AK5: variants seen among roughly 807,000 people sequenced by gnomAD.
AK5 encodes the protein adenylate kinase isoenzyme 5.
A neutral mutation model predicts 69.5 loss-of-function variants in AK5; 27 were observed. That is an observed-to-expected ratio of 0.39 (90% CI 0.29 to 0.54). The LOEUF (loss-of-function observed/expected upper bound fraction) is 0.54. Ranked by LOEUF, AK5 falls within the 20% of genes least tolerant of loss-of-function variation. The pLI is 0.71. For missense variants in AK5, 531 were observed against 700.4 expected (o/e 0.76, Z 2.73); for synonymous variants, 260 against 244.4 (o/e 1.06, Z -0.60).
chr1:77,526,507 G>A (rs1006591318), intron 12 of AK5, among the ~76,000 whole-genome samples: 20 of 118,808 alleles, frequency 1.7e-4, no homozygotes, highest in South Asian at 5.4e-4. Flanking sequence ...ACGGAGTCTC[G>A]CTCTGTCGCC....
At chr1:77,410,848 G>C in intron 6 of AK5, 133 bp from the exon 7 acceptor site, 1 of 669,036 alleles carries the variant, frequency 1.5e-6, no homozygotes, top group Non-Finnish European at 2.6e-6. Context: ...TCTGATTAAA[G>C]ACTCAAATGC....
chr1:77,328,344 C>CA (rs1204854232), intron 5 of AK5, among the ~76,000 whole-genome samples: 2 of 151,830 alleles, frequency 1.3e-5, no homozygotes, highest in Non-Finnish European at 2.9e-5. Context: ...ACTAAAAATA[C>CA]AAAAAATTAG....
chr1:77,431,146 G>A (rs1651612807), intron 8 of AK5, among the ~76,000 whole-genome samples: 1 of 152,158 alleles, frequency 6.6e-6, no homozygotes, highest in South Asian at 2.1e-4. Context: ...AAAGCCATCT[G>A]TTGAGATTTC....
intron 8 of AK5, among the ~76,000 whole-genome samples, chr1:77,470,854 TATATATATATATATATATA>T (rs1240616825): frequency 0.071 from 2,245 of 31,580 alleles, 342 homozygotes; most frequent in Middle Eastern, 0.1. Flanking sequence ...TATATATATA[TATATATATATATATATATA>T]TATTTTTTTT....
chr1:77,358,394 C>G (rs1234751497), intron 6 of AK5, among the ~76,000 whole-genome samples: 1 of 152,044 alleles, frequency 6.6e-6, no homozygotes, highest in Non-Finnish European at 1.5e-5. Context: ...ACGTGAGAAC[C>G]CTTTGTAAGT....
At chr1:77,467,115 A>G (rs1219521564) in intron 8 of AK5, among the ~76,000 whole-genome samples, 1 of 152,262 alleles carries the variant, frequency 6.6e-6, no homozygotes, top group Non-Finnish European at 1.5e-5. Flanking sequence ...CTGTATAGAA[A>G]GTAATATCAA....
intron 10 of AK5, among the ~76,000 whole-genome samples, chr1:77,497,749 G>C (rs899063543): frequency 6.6e-6 from 1 of 151,998 alleles, no homozygotes. Context: ...CACCACGCCC[G>C]GCTTATTTGG....
At chr1:77,394,060 C>T (rs182383907) in intron 6 of AK5, among the ~76,000 whole-genome samples, 1 of 151,872 alleles carries the variant, frequency 6.6e-6, no homozygotes, top group South Asian at 2.1e-4. Flanking sequence ...ACTAAAAATA[C>T]AAAAATTAAC....
At chr1:77,465,949 C>T (rs1654113361) in intron 8 of AK5, among the ~76,000 whole-genome samples, 1 of 152,198 alleles carries the variant, frequency 6.6e-6, no homozygotes, top group Admixed American at 6.5e-5. Flanking sequence ...CCAGGCCATG[C>T]TTTACACAGA....
intron 12 of AK5, among the ~76,000 whole-genome samples, chr1:77,527,935 T>C (rs1284282279): frequency 1.3e-5 from 2 of 152,238 alleles, no homozygotes; most frequent in African/African-American, 4.8e-5. Context: ...GGCACATGCC[T>C]GTAATCCCAG....
chr1:77,404,392 T>G (rs1445783995), intron 6 of AK5, among the ~76,000 whole-genome samples: 1 of 151,932 alleles, frequency 6.6e-6, no homozygotes, highest in Admixed American at 6.6e-5. Flanking sequence ...GTGGGGATCG[T>G]TTCTGCTTGT....
intron 11 of AK5, among the ~76,000 whole-genome samples, 167 bp from the exon 12 acceptor site, chr1:77,521,660 A>G (rs2100319843): frequency 6.6e-6 from 1 of 152,330 alleles, no homozygotes; most frequent in South Asian, 2.1e-4. Context: ...AGATATTAAA[A>G]TATGGGGTGG....
At chr1:77,350,348 CA>C (rs1376987990) in intron 6 of AK5, among the ~76,000 whole-genome samples, 1 of 152,172 alleles carries the variant, frequency 6.6e-6, no homozygotes, top group Non-Finnish European at 1.5e-5. Flanking sequence ...TCATGATAAG[CA>C]GACACGTGTA....
chr1:77,553,071 G>A (rs969679704), intron 13 of AK5, among the ~76,000 whole-genome samples: 5 of 152,094 alleles, frequency 3.3e-5, no homozygotes, highest in African/African-American at 9.7e-5. Context: ...TAAAAAATTT[G>A]TATATTAATA....
At chr1:77,482,289 T>G (rs757459401) in intron 8 of AK5, among the ~76,000 whole-genome samples, 12 of 152,214 alleles carry the variant, frequency 7.9e-5, no homozygotes, top group Non-Finnish European at 1.3e-4. Flanking sequence ...TCTCACCTAG[T>G]GCCTTTTTAT....
chr1:77,456,929 A>AT (rs1557606350), intron 8 of AK5, among the ~76,000 whole-genome samples: 1 of 151,900 alleles, frequency 6.6e-6, no homozygotes, highest in African/African-American at 2.4e-5. Context: ...CTTAAAAAAA[A>AT]AAAAAAAGTC....
intron 6 of AK5, among the ~76,000 whole-genome samples, chr1:77,384,460 A>G (rs557786807): frequency 6.6e-6 from 1 of 152,302 alleles, no homozygotes; most frequent in Admixed American, 6.5e-5. Context: ...CTGAAATGCT[A>G]CAGGTGGACA....
rs1557577028 is a variant in AK5 at position 77,417,726 on chromosome 1, T to A, written c.1059+11T>A. 1 of 1,523,946 alleles carries A rather than the reference T, an allele frequency of 6.6e-7. No individual in the cohort carries two copies. The highest frequency in any genetic ancestry group is 1.7e-4 in the Middle Eastern group (1 of 5,834). The allele number at this position is 1,523,946 out of a possible 1,614,324, so 94.4% of individuals were successfully genotyped here. A position where few individuals can be genotyped will look rare whatever the true frequency, so the allele number is the denominator to read the frequency against. Reference sequence around the variant, plus strand: ...GATTATGAAGATCAGGTAATTAAAATCTGAAAATAGTTCTCTATTTAAATG... The same window carrying A: ...GATTATGAAGATCAGGTAATTAAAAACTGAAAATAGTTCTCTATTTAAATG... On this transcript the variant is annotated intron_variant, in intron 8 of 13. Coordinates refer to ENST00000354567, the MANE Select transcript of AK5 (RefSeq NM_174858.3).
At chr1:77,391,260 A>C (rs568058115) in intron 6 of AK5, among the ~76,000 whole-genome samples, 1 of 152,102 alleles carries the variant, frequency 6.6e-6, no homozygotes, top group Non-Finnish European at 1.5e-5. Context: ...AGCTAAGAGC[A>C]GTCCTCTAGA....
Sources: gnomAD v4.1 joint callset for allele counts (sites outside exome capture counted in the v4.1 genomes callset) on GRCh38, gnomAD v4.1.1 for gene constraint, MANE v1.5 for transcripts, NCBI Gene and HGNC (gene_info 2026-07-23, HGNC 2026-07-21) for gene names.